DNAAF5: variants seen among roughly 807,000 people sequenced by gnomAD.
DNAAF5 encodes HEAT repeat containing 2.
In DNAAF5, 64 loss-of-function variants were observed where a neutral mutation model predicts 75.8. The observed-to-expected ratio is 0.84, with a 90% confidence interval of 0.69 to 1.04. The LOEUF is 1.04. Ranked by LOEUF, DNAAF5 falls within the 50% of genes least tolerant of loss-of-function variation. The pLI, the probability that DNAAF5 is intolerant of heterozygous loss-of-function variation, is 0.00. For synonymous variants in DNAAF5, 657 were observed against 557.2 expected, an observed-to-expected ratio of 1.18 and a Z score of -2.52; for missense variants, 1,269 against 1,178.5, an observed-to-expected ratio of 1.08 and a Z score of -1.12.
intron 8 of DNAAF5, among the ~76,000 whole-genome samples, chr7:765,900 G>T (rs569456769): frequency 1.3e-5 from 2 of 152,164 alleles, no homozygotes; most frequent in African/African-American, 4.8e-5. Flanking sequence ...CATATATGCT[G>T]CCAGGCTAGT....
At chr7:749,511 G>T (rs951285658) in intron 4 of DNAAF5, among the ~76,000 whole-genome samples, 1 of 152,090 alleles carries the variant, frequency 6.6e-6, no homozygotes, top group South Asian at 2.1e-4. Flanking sequence ...CTTGGAGCTC[G>T]CACCCATTCT....
intron 8 of DNAAF5, among the ~76,000 whole-genome samples, chr7:765,693 G>A (rs146196951): frequency 3.1e-4 from 47 of 152,222 alleles, no homozygotes; most frequent in African/African-American, 1.0e-3. Context: ...GTATAAAACT[G>A]TATGGGTTTT....
chr7:751,483 G>C (rs919625455), intron 4 of DNAAF5, among the ~76,000 whole-genome samples: 5 of 151,704 alleles, frequency 3.3e-5, no homozygotes, highest in African/African-American at 1.2e-4. Flanking sequence ...CTGGGTGACA[G>C]AGTGAGACCC....
At chr7:774,015 T>C (rs773086818) in intron 9 of DNAAF5, 33 bp from the exon 10 acceptor site, 1 of 1,613,672 alleles carries the variant, frequency 6.2e-7, no homozygotes, top group Non-Finnish European at 8.5e-7. Flanking sequence ...ACCTGTCCGG[T>C]CTCCTCATCC....
In DNAAF5 at chr7:726,989, AG is replaced by A; in HGVS notation, c.272del (p.Gly91AlafsTer118). 1 of 1,270,340 alleles carries A rather than the reference AG, an allele frequency of 7.9e-7. No individual in the cohort carries two copies. Among genetic ancestry groups the A allele is most frequent in the Middle Eastern group, 3.1e-4 (1 of 3,264 alleles). 78.7% of individuals were successfully genotyped at this position (1,270,340 alleles called of 1,614,324 possible). A position where few individuals can be genotyped will look rare whatever the true frequency, so the allele number is the denominator to read the frequency against. On this transcript the variant is annotated frameshift_variant, in exon 1 of 13. Coordinates refer to ENST00000297440, the MANE Select transcript of DNAAF5 (RefSeq NM_017802.4). LOFTEE classifies it high-confidence loss of function. Reference sequence around the variant, plus strand: ...CTGCGCTGCCTGAGCGACCCCGCCGAGGGCTGCCGCGCGCTGGCAGTGCACC... The same window carrying A: ...CTGCGCTGCCTGAGCGACCCCGCCGAGGCTGCCGCGCGCTGGCAGTGCACC... ...RLLRCLSDPA[E>X]GCRALAVHLL...
intron 4 of DNAAF5, among the ~76,000 whole-genome samples, chr7:746,687 C>T (rs1019948903): frequency 6.6e-6 from 1 of 151,974 alleles, no homozygotes; most frequent in Non-Finnish European, 1.5e-5. Flanking sequence ...CCTGCCACCC[C>T]CTGCCCACCC....
At chr7:768,749 G>A in intron 8 of DNAAF5, 1 of 180,754 alleles carries the variant, frequency 5.5e-6, no homozygotes, top group Non-Finnish European at 1.2e-5. Flanking sequence ...ACAGCAAGTG[G>A]CTCACCCGTC....
At position 727,173 on chromosome 7, in the gene DNAAF5, G is replaced by A; in HGVS notation, c.453G>A (p.Leu151=). The change falls in exon 1 of 13, where the codon CTG becomes CTA. Residue 151 remains leucine (L), a synonymous_variant. Coordinates refer to ENST00000297440, the MANE Select transcript of DNAAF5 (RefSeq NM_017802.4). ...LRLALVQLLG[L]AVDLCGAALA... ...TGGCGCTTGTGCAGCTGCTGGGCCT[G>A]GCCGTGGACCTGTGCGGCGCCGCGC... The A allele has an allele frequency of 7.5e-7, 1 of 1,325,376 alleles. No individual in the cohort carries two copies. Among genetic ancestry groups the A allele is most frequent in the South Asian group, 1.7e-5 (1 of 57,466 alleles). The allele number at this position is 1,325,376 out of a possible 1,614,324, so 82.1% of individuals were successfully genotyped here.
At chr7:734,521 A>T (rs1212076446) in intron 2 of DNAAF5, among the ~76,000 whole-genome samples, 3 of 152,180 alleles carry the variant, frequency 2.0e-5, no homozygotes, top group Non-Finnish European at 4.4e-5. Flanking sequence ...TTCATCAGGG[A>T]TATTGTCCTG....
intron 11 of DNAAF5, among the ~76,000 whole-genome samples, chr7:777,222 T>C (rs1367669803): frequency 2.0e-5 from 3 of 152,144 alleles, no homozygotes; most frequent in African/African-American, 7.2e-5. Context: ...TCTCACCCCC[T>C]GGTCCATGGA....
intron 8 of DNAAF5, among the ~76,000 whole-genome samples, chr7:769,668 T>C (rs1778487448): frequency 1.3e-5 from 2 of 152,250 alleles, no homozygotes; most frequent in Admixed American, 6.5e-5. Flanking sequence ...AAGGTTGTTT[T>C]GTTTTTGAGA....
In DNAAF5 at chr7:750,901, G is replaced by A. The variant is rs1243058182; in HGVS notation, c.1025-3688G>A. Reference sequence around the variant, plus strand: ...GTCATCAGGAAGAAAGGTGCAGCTGGGCGTGGTGGCGCATGCCTGTAATAC... The same window carrying A: ...GTCATCAGGAAGAAAGGTGCAGCTGAGCGTGGTGGCGCATGCCTGTAATAC... On this transcript the variant is annotated intron_variant, in intron 4 of 12. Coordinates refer to ENST00000297440, the MANE Select transcript of DNAAF5 (RefSeq NM_017802.4). 1.1e-4 allele frequency: 18 copies of A among 166,740 alleles called. No homozygotes were observed. In the Admixed American group the frequency reaches 1.2e-3, roughly 11 times the overall value. 10.3% of individuals were successfully genotyped at this position (166,740 alleles called of 1,614,324 possible).
Position 770,547 on chromosome 7 carries a change from G to A in DNAAF5, c.1860G>A (p.Gln620=). 6.2e-7 allele frequency: 1 copy of A among 1,613,974 alleles called. No individual in the cohort carries two copies. Among genetic ancestry groups the A allele is most frequent in the Non-Finnish European group, 8.5e-7 (1 of 1,180,010 alleles). Residue 620 remains glutamine, a synonymous_variant, in exon 9 of 13, where the codon CAG becomes CAA. Transcript: ENST00000297440. The part of the protein sequence containing the change: ...RACLQPSQDP[Q]MRLKLFSILS... ...GTCTGCAGCCCTCCCAAGACCCGCAGATGCGCCTGAAGCTGTTCTCCATCC... is the reference window on the plus strand; with the variant it reads ...GTCTGCAGCCCTCCCAAGACCCGCAAATGCGCCTGAAGCTGTTCTCCATCC...
intron 2 of DNAAF5, among the ~76,000 whole-genome samples, chr7:734,814 G>C (rs1781684157): frequency 6.6e-6 from 1 of 152,154 alleles, no homozygotes; most frequent in Admixed American, 6.5e-5. Context: ...TATGTGTCTA[G>C]GAATTTATCC....
At chr7:769,431 C>T (rs1048763019) in intron 8 of DNAAF5, among the ~76,000 whole-genome samples, 5 of 152,152 alleles carry the variant, frequency 3.3e-5, no homozygotes, top group Admixed American at 1.3e-4. Flanking sequence ...GCAGTGGGGA[C>T]CCCTTGGGGC....
At chr7:747,672 G>A (rs897474492) in intron 4 of DNAAF5, among the ~76,000 whole-genome samples, 3 of 147,246 alleles carry the variant, frequency 2.0e-5, no homozygotes, top group Non-Finnish European at 3.0e-5. Context: ...GCTGGTTTCA[G>A]TGTGTCCGGC....
chr7:760,294 C>A (rs1375509021), intron 6 of DNAAF5, among the ~76,000 whole-genome samples: 1 of 152,174 alleles, frequency 6.6e-6, no homozygotes, highest in African/African-American at 2.4e-5. Context: ...AAATTTAGAA[C>A]CAACCCATTG....
chr7:744,455 A>G (rs994086191), intron 4 of DNAAF5, among the ~76,000 whole-genome samples: 7 of 152,248 alleles, frequency 4.6e-5, no homozygotes, highest in East Asian at 1.9e-4. Flanking sequence ...GTATATACCC[A>G]GTAATGGGAT....
chr7:762,385 G>A, intron 7 of DNAAF5, among the ~76,000 whole-genome samples: 1 of 151,908 alleles, frequency 6.6e-6, no homozygotes, highest in East Asian at 2.0e-4. Context: ...TACTCAGGAG[G>A]CTGAGGCAGG....
Sources: allele counts gnomAD v4.1 joint callset (sites outside exome capture counted in the v4.1 genomes callset), GRCh38; gene constraint gnomAD v4.1.1; transcripts MANE v1.5; gene names NCBI Gene and HGNC (gene_info 2026-07-23, HGNC 2026-07-21).